Variants in DSCAM observed in about 807,000 individuals in gnomAD.
The protein encoded by DSCAM is DS cell adhesion molecule, also known as cell adhesion molecule DSCAM.
A neutral mutation model predicts 217.7 loss-of-function variants in DSCAM; 47 were observed. That is an observed-to-expected ratio of 0.22 (90% CI 0.17 to 0.28). The LOEUF (loss-of-function observed/expected upper bound fraction) is 0.28, where lower values mean the gene tolerates loss of function less well. Among genes scored for constraint, DSCAM ranks in the 10% least tolerant of loss-of-function variants. The pLI, the probability that DSCAM is intolerant of heterozygous loss-of-function variation, is 1.00. For synonymous variants in DSCAM, 1,056 were observed against 1,015.3 expected (o/e 1.04, Z -0.76); for missense variants, 2,080 against 2,618.3 (o/e 0.79, Z 4.49).
chr21:40,569,169 C>T (rs1214102766), intron 3 of DSCAM, among the ~76,000 whole-genome samples: 4 of 152,144 alleles, frequency 2.6e-5, no homozygotes, highest in African/African-American at 9.7e-5. Context: ...ATTCACAGCC[C>T]TTTCATTTTC....
At chr21:40,516,980 T>G (rs1480544504) in intron 3 of DSCAM, among the ~76,000 whole-genome samples, 1 of 147,648 alleles carries the variant, frequency 6.8e-6, no homozygotes, top group Non-Finnish European at 1.5e-5. Flanking sequence ...ACATATATTA[T>G]ATATATACAT....
At chr21:40,629,511 G>A (rs895558581) in intron 3 of DSCAM, 1 of 152,214 alleles carries the variant, frequency 6.6e-6, no homozygotes, top group African/African-American at 2.4e-5. Context: ...AAGTGAGGAA[G>A]GAGTTTTAAG....
At chr21:40,811,523 G>C (rs2091838846) in intron 1 of DSCAM, among the ~76,000 whole-genome samples, 1 of 152,188 alleles carries the variant, frequency 6.6e-6, no homozygotes, top group Non-Finnish European at 1.5e-5. Context: ...ACCCATCAAT[G>C]GGCGCACGTG....
chr21:40,247,629 G>A (rs565629071), intron 11 of DSCAM, among the ~76,000 whole-genome samples: 1 of 152,330 alleles, frequency 6.6e-6, no homozygotes, highest in East Asian at 1.9e-4. Context: ...CACCCCTGAG[G>A]CTTTCCAGGG....
chr21:40,477,252 T>G lies in DSCAM; in HGVS notation c.509-108007A>C, dbSNP rs567010305. ...AATAGTCTAGAAAAATAAAACCAGC[T>G]CTCTATCTGCCATAGAAAATCAGAA... On this transcript the variant is annotated intron_variant, in intron 3 of 32. Transcript: ENST00000400454. 4.6e-5 allele frequency among the ~76,000 whole-genome samples: 7 copies of G among 151,980 alleles called. No homozygotes were observed. The East Asian group carries it at 1.4e-3, about 29-fold the overall frequency.
At chr21:40,020,530 T>TGA (rs140985038) in intron 32 of DSCAM, among the ~76,000 whole-genome samples, 39 of 148,660 alleles carry the variant, frequency 2.6e-4, no homozygotes, top group Admixed American at 7.3e-4. Flanking sequence ...TGTGTGTGTG[T>TGA]GAGAGAGAGA....
rs895034391 is a variant in DSCAM, at chr21:40,451,739, G to A, written c.509-82494C>T. The stretch of plus-strand genomic sequence containing the variant: ...TCGAATTTCAGGGTGGCTGGAGGAT[G>A]TGTGCACGCCAGAAACTATTTGGAT... On this transcript the variant is annotated intron_variant, in intron 3 of 32. Coordinates refer to ENST00000400454, the MANE Select transcript of DSCAM (RefSeq NM_001389.5). 2.0e-5 allele frequency among the ~76,000 whole-genome samples: 3 copies of A among 152,316 alleles called. No homozygotes were observed. In the East Asian group the frequency reaches 5.8e-4, roughly 29 times the overall value.
At chr21:40,491,335 C>G (rs570458700) in intron 3 of DSCAM, among the ~76,000 whole-genome samples, 1 of 151,970 alleles carries the variant, frequency 6.6e-6, no homozygotes, top group South Asian at 2.1e-4. Flanking sequence ...AAAATATGAC[C>G]AGAGAGTGAT....
intron 11 of DSCAM, among the ~76,000 whole-genome samples, chr21:40,195,135 G>C (rs1445263634): frequency 6.6e-6 from 1 of 152,112 alleles, no homozygotes; most frequent in African/African-American, 2.4e-5. Flanking sequence ...GTTTTGACAA[G>C]TAATTCAGTG....
chr21:40,197,493 CCT>C (rs894958944), intron 11 of DSCAM, among the ~76,000 whole-genome samples: 1 of 152,146 alleles, frequency 6.6e-6, no homozygotes, highest in Non-Finnish European at 1.5e-5. Flanking sequence ...ATTCCCCTTG[CCT>C]CTCTCCTATC....
intron 8 of DSCAM, among the ~76,000 whole-genome samples, chr21:40,316,130 A>T (rs2074194054): frequency 6.6e-6 from 1 of 152,240 alleles, no homozygotes; most frequent in Admixed American, 6.5e-5. Flanking sequence ...TCTACCAAAA[A>T]AAAGCCTTTC....
intron 3 of DSCAM, among the ~76,000 whole-genome samples, chr21:40,602,053 C>CTTTTTTTTTTT (rs761687929): frequency 1.6e-4 from 14 of 89,518 alleles, no homozygotes; most frequent in African/African-American, 4.4e-4. Context: ...TCTGCTTCTA[C>CTTTTTTTTTTT]TTTTTTTTTT....
rs370687548 is a variant in DSCAM at position 40,565,661 on chromosome 21, C to T, written c.508+127149G>A. Among the ~76,000 whole-genome samples the T allele has an allele frequency of 3.5e-4, 53 of 152,150 alleles. 1 individual carries two copies. Among genetic ancestry groups the T allele is most frequent in the African/African-American group, 1.2e-3 (50 of 41,422 alleles). ...CGGGGGCTTCAAGATGTCCCAGAAC[C>T]GCAGCCAGCAGCCCAGAGTGTCTTA... On this transcript the variant is annotated intron_variant, in intron 3 of 32. Transcript: ENST00000400454.
intron 3 of DSCAM, among the ~76,000 whole-genome samples, chr21:40,418,954 G>A (rs1308091076): frequency 6.6e-6 from 1 of 152,004 alleles, no homozygotes; most frequent in Non-Finnish European, 1.5e-5. Flanking sequence ...ACACAGAAAA[G>A]GAAATAATTA....
intron 16 of DSCAM, among the ~76,000 whole-genome samples, chr21:40,163,026 A>G (rs1340439595): frequency 6.6e-6 from 1 of 151,920 alleles, no homozygotes; most frequent in Non-Finnish European, 1.5e-5. Context: ...TAATCATTAA[A>G]TATTCTAAAT....
At chr21:40,174,657 G>C (rs577716685) in intron 15 of DSCAM, among the ~76,000 whole-genome samples, 14 of 152,220 alleles carry the variant, frequency 9.2e-5, no homozygotes, top group African/African-American at 3.1e-4. Context: ...GCTCACTGAG[G>C]GGGTATGGTC....
chr21:40,384,370 G>A (rs1230238726), intron 3 of DSCAM, among the ~76,000 whole-genome samples: 1 of 152,158 alleles, frequency 6.6e-6, no homozygotes, highest in Non-Finnish European at 1.5e-5. Flanking sequence ...CACTTTGGGA[G>A]GCCTAGGTGG....
chr21:40,605,233 C>A (rs1250486643), intron 3 of DSCAM, among the ~76,000 whole-genome samples: 1 of 152,184 alleles, frequency 6.6e-6, no homozygotes, highest in East Asian at 1.9e-4. Context: ...CAATCACTGG[C>A]TCCGCAAGCT....
intron 3 of DSCAM, among the ~76,000 whole-genome samples, chr21:40,548,508 A>AT (rs1262983872): frequency 0.014 from 1,497 of 108,972 alleles, 5 homozygotes; most frequent in Non-Finnish European, 0.019. Context: ...ACCAGTAAAA[A>AT]AAAAAATATA....
Sources: allele counts gnomAD v4.1 joint callset (sites outside exome capture counted in the v4.1 genomes callset), GRCh38; gene constraint gnomAD v4.1.1; transcripts MANE v1.5; gene names NCBI Gene and HGNC (gene_info 2026-07-23, HGNC 2026-07-21).